DIAPH3: variants seen among roughly 807,000 people sequenced by gnomAD.
DIAPH3 encodes the protein protein diaphanous homolog 3.
DIAPH3 carries 117 observed loss-of-function variants against 144.3 expected under a neutral mutation model. That is an observed-to-expected ratio of 0.81 (90% CI 0.70 to 0.95). DIAPH3 has a LOEUF of 0.95. DIAPH3 is among the 40% of genes least tolerant of loss of function. The pLI, the probability that DIAPH3 is intolerant of heterozygous loss-of-function variation, is 0.00. For synonymous variants in DIAPH3, 519 were observed against 488.9 expected (o/e 1.06, Z -0.81); for missense variants, 1,421 against 1,412.7 (o/e 1.01, Z -0.09).
At chr13:59,778,845 A>G (rs138832737) in intron 25 of DIAPH3, among the ~76,000 whole-genome samples, 1 of 152,354 alleles carries the variant, frequency 6.6e-6, no homozygotes, top group East Asian at 1.9e-4. Flanking sequence ...AGCAGAAATG[A>G]TCTTCAGTTC....
At position 59,974,343 on chromosome 13, in the gene DIAPH3, G is replaced by T. The variant is rs1326088062; in HGVS notation, c.1650+9C>A. 2 of 1,607,532 alleles carry T rather than the reference G, an allele frequency of 1.2e-6. No individual in the cohort carries two copies. The highest frequency in any genetic ancestry group is 2.2e-5 in the South Asian group (2 of 90,922). On this transcript the variant is annotated intron_variant, in intron 15 of 27. Transcript: ENST00000400324. ...TTAATACCCAAATTCACTCAGAGTG[G>T]AATTTTACCTGAGACTTAAAAGCTT...
At chr13:60,109,645 C>T (rs2058513486) in intron 3 of DIAPH3, among the ~76,000 whole-genome samples, 2 of 152,116 alleles carry the variant, frequency 1.3e-5, no homozygotes, top group African/African-American at 4.8e-5. Flanking sequence ...AACAGGAAAT[C>T]TCTGGAACCT....
At chr13:59,820,730 A>G (rs992600233) in intron 24 of DIAPH3, among the ~76,000 whole-genome samples, 2 of 151,408 alleles carry the variant, frequency 1.3e-5, no homozygotes, top group African/African-American at 2.4e-5. Context: ...AAATTTTAAT[A>G]AAACAAAATA....
chr13:60,132,903 C>T (rs372085702), intron 2 of DIAPH3, 54 bp downstream of exon 2: 14 of 1,441,650 alleles, frequency 9.7e-6, no homozygotes, highest in African/African-American at 5.6e-5. Flanking sequence ...ACACCATCAA[C>T]GTTATATGGT....
At chr13:59,833,705 G>C (rs757792492) in intron 23 of DIAPH3, among the ~76,000 whole-genome samples, 5 of 151,592 alleles carry the variant, frequency 3.3e-5, no homozygotes, top group Non-Finnish European at 7.4e-5. Flanking sequence ...TCCTATACTT[G>C]GTAATAGTGT....
chr13:60,093,813 A>G (rs1350111526), intron 3 of DIAPH3, 81 bp from the exon 4 acceptor site: 2 of 898,626 alleles, frequency 2.2e-6, no homozygotes, highest in African/African-American at 1.6e-5. Flanking sequence ...GGAAAAATCA[A>G]TAATTTGTGA....
At chr13:59,970,210 A>G (rs922151894) in intron 16 of DIAPH3, 152 bp from the exon 17 acceptor site, 1 of 455,446 alleles carries the variant, frequency 2.2e-6, no homozygotes, top group African/African-American at 2.0e-5. Context: ...TCAATAAGAT[A>G]CAAGTTCTGC....
chr13:59,952,137 A>C (rs1336164055), intron 17 of DIAPH3, among the ~76,000 whole-genome samples: 2 of 152,164 alleles, frequency 1.3e-5, no homozygotes, highest in East Asian at 3.8e-4. Flanking sequence ...TGTAAAGTGA[A>C]AGCCAGATAC....
chr13:59,931,448 T>C (rs768464584), intron 17 of DIAPH3, among the ~76,000 whole-genome samples: 26 of 152,314 alleles, frequency 1.7e-4, no homozygotes, highest in African/African-American at 6.0e-4. Flanking sequence ...TCACCTGGTG[T>C]TCTCTATCAC....
intron 5 of DIAPH3, 117 bp downstream of exon 5, chr13:60,042,573 A>G: frequency 2.5e-6 from 3 of 1,205,126 alleles, no homozygotes; most frequent in Non-Finnish European, 3.6e-6. Flanking sequence ...AATATTAGGT[A>G]TTCAGTTTGT....
At chr13:60,068,384 G>T (rs1356991763) in intron 4 of DIAPH3, among the ~76,000 whole-genome samples, 1 of 152,176 alleles carries the variant, frequency 6.6e-6, no homozygotes, top group African/African-American at 2.4e-5. Flanking sequence ...TAGGTATAAA[G>T]TTACTTTAAT....
At chr13:60,000,165 G>A (rs986035166) in intron 9 of DIAPH3, among the ~76,000 whole-genome samples, 4 of 151,972 alleles carry the variant, frequency 2.6e-5, no homozygotes, top group Admixed American at 6.6e-5. Context: ...CCAATAGCCT[G>A]GATTATATTC....
At chr13:60,160,803 C>G (rs1444320295) in intron 1 of DIAPH3, among the ~76,000 whole-genome samples, 2 of 152,174 alleles carry the variant, frequency 1.3e-5, no homozygotes, top group Non-Finnish European at 2.9e-5. Context: ...ACAAGCATCC[C>G]AAAGTCAATT....
chr13:59,873,545 C>T (rs188517798), intron 21 of DIAPH3, among the ~76,000 whole-genome samples: 3 of 152,208 alleles, frequency 2.0e-5, no homozygotes, highest in Middle Eastern at 3.4e-3. Context: ...GAGAAACAGG[C>T]CTTCAACTTA....
intron 27 of DIAPH3, among the ~76,000 whole-genome samples, chr13:59,715,118 A>G (rs2034984163): frequency 6.6e-6 from 1 of 151,952 alleles, no homozygotes; most frequent in Admixed American, 6.6e-5. Flanking sequence ...ATATGGTTGT[A>G]CTCCTCTCTT....
chr13:59,876,668 C>T (rs771036675), intron 21 of DIAPH3, among the ~76,000 whole-genome samples: 2 of 152,190 alleles, frequency 1.3e-5, no homozygotes, highest in Admixed American at 6.5e-5. Flanking sequence ...ATTAATCACA[C>T]CTAGTCTCCC....
intron 27 of DIAPH3, among the ~76,000 whole-genome samples, chr13:59,751,093 C>T (rs1420250334): frequency 6.6e-6 from 1 of 152,270 alleles, no homozygotes; most frequent in Non-Finnish European, 1.5e-5. Context: ...GGCTGCTCTA[C>T]AACTGTGCTA....
chr13:59,852,601 G>C (rs529050633), intron 22 of DIAPH3, among the ~76,000 whole-genome samples: 1 of 152,252 alleles, frequency 6.6e-6, no homozygotes, highest in Non-Finnish European at 1.5e-5. Context: ...CATTCCCTAT[G>C]TTAGTATGTC....
rs539603078 is a variant in DIAPH3 at position 59,972,155 on chromosome 13, C to T, written c.1651-995G>A. Among the ~76,000 whole-genome samples, 3 of 152,002 alleles carry T rather than the reference C, an allele frequency of 2.0e-5. No homozygotes were observed. In the East Asian group the frequency reaches 5.8e-4, roughly 29 times the overall value. On this transcript the variant is annotated intron_variant, in intron 15 of 27. Transcript: ENST00000400324. ...ATGCGTAGGATAAATGCATGAAAGA[C>T]AAGAAGAGAAAAAGCCAACTGGGCA...
Sources: allele counts gnomAD v4.1 joint callset (sites outside exome capture counted in the v4.1 genomes callset), GRCh38; gene constraint gnomAD v4.1.1; transcripts MANE v1.5; gene names NCBI Gene and HGNC (gene_info 2026-07-23, HGNC 2026-07-21).